Variants in SORCS3 observed in about 807,000 individuals in gnomAD.
SORCS3 encodes sortilin related VPS10 domain containing receptor 3.
In SORCS3, 57 loss-of-function variants were observed where a neutral mutation model predicts 146.3. That is an observed-to-expected ratio of 0.39 (90% CI 0.31 to 0.49). The LOEUF (loss-of-function observed/expected upper bound fraction) is 0.49, where lower values mean the gene tolerates loss of function less well. Among genes scored for constraint, SORCS3 ranks in the 20% least tolerant of loss-of-function variants. SORCS3 has a pLI of 0.92. For missense variants in SORCS3, 1,341 were observed against 1,575.5 expected, an observed-to-expected ratio of 0.85 and a Z score of 2.52; for synonymous variants, 653 against 618.5, an observed-to-expected ratio of 1.06 and a Z score of -0.83.
chr10:104,790,764 AT>A (rs1340872222), intron 1 of SORCS3, among the ~76,000 whole-genome samples: 9 of 152,210 alleles, frequency 5.9e-5, no homozygotes, highest in African/African-American at 1.9e-4. Flanking sequence ...AAGGGACATA[AT>A]GAAATGAGCA....
intron 3 of SORCS3, among the ~76,000 whole-genome samples, chr10:104,918,055 AC>A (rs1205574510): frequency 6.6e-6 from 1 of 152,192 alleles, no homozygotes; most frequent in Non-Finnish European, 1.5e-5. Flanking sequence ...GGAACTCCAT[AC>A]TGTTTTCTAT....
intron 1 of SORCS3, among the ~76,000 whole-genome samples, chr10:104,833,885 C>A (rs565196999): frequency 6.6e-6 from 1 of 152,296 alleles, no homozygotes; most frequent in South Asian, 2.1e-4. Flanking sequence ...AAATTAATGT[C>A]TAAAGCTCAA....
intron 2 of SORCS3, among the ~76,000 whole-genome samples, chr10:104,894,551 G>C (rs1025489784): frequency 6.6e-6 from 1 of 152,158 alleles, no homozygotes; most frequent in African/African-American, 2.4e-5. Flanking sequence ...TATAAGCTAG[G>C]GGAGTCTTAG....
At chr10:104,798,015 G>T (rs1209401861) in intron 1 of SORCS3, among the ~76,000 whole-genome samples, 2 of 152,194 alleles carry the variant, frequency 1.3e-5, no homozygotes, top group Non-Finnish European at 2.9e-5. Flanking sequence ...AAGGTTGGGA[G>T]ATGGTGCATA....
chr10:104,775,931 C>T lies in SORCS3; in HGVS notation c.628-66861C>T, dbSNP rs141786820. Reference sequence around the variant, plus strand: ...TGCTTGATGATGTGAACTTTTCCCTCCTGCCCATATTTCTTTCCTATTCTT... The same window carrying T: ...TGCTTGATGATGTGAACTTTTCCCTTCTGCCCATATTTCTTTCCTATTCTT... On this transcript the variant is annotated intron_variant, in intron 1 of 26. Transcript: ENST00000369701. Among the ~76,000 whole-genome samples, 103 of 152,268 alleles carry T rather than the reference C, an allele frequency of 6.8e-4. 4 individuals carry two copies. In the East Asian group the frequency reaches 0.015, roughly 23 times the overall value.
At chr10:105,069,174 A>G (rs1455009667) in intron 5 of SORCS3, among the ~76,000 whole-genome samples, 1 of 152,134 alleles carries the variant, frequency 6.6e-6, no homozygotes, top group Non-Finnish European at 1.5e-5. Context: ...CCCCACACCA[A>G]TCACTGTTAT....
intron 7 of SORCS3, among the ~76,000 whole-genome samples, chr10:105,131,075 T>A (rs1200134633): frequency 6.6e-6 from 1 of 152,148 alleles, no homozygotes; most frequent in Non-Finnish European, 1.5e-5. Context: ...TATAGACTCC[T>A]ATGGTCCAAT....
intron 3 of SORCS3, among the ~76,000 whole-genome samples, chr10:104,927,824 G>T (rs1301791382): frequency 6.6e-6 from 1 of 151,614 alleles, no homozygotes; most frequent in African/African-American, 2.4e-5. Context: ...GTTGTGGTGA[G>T]CCGAGATCGT....
intron 5 of SORCS3, among the ~76,000 whole-genome samples, chr10:105,046,382 T>C (rs2055371563): frequency 1.3e-5 from 2 of 152,132 alleles, no homozygotes; most frequent in South Asian, 4.1e-4. Flanking sequence ...GTGTCCGGTT[T>C]CTTCTCCCAT....
intron 1 of SORCS3, among the ~76,000 whole-genome samples, chr10:104,734,375 C>A (rs2016744397): frequency 6.6e-6 from 1 of 152,164 alleles, no homozygotes; most frequent in Non-Finnish European, 1.5e-5. Context: ...GAGCAAAGGG[C>A]AGAGAAAGCA....
intron 2 of SORCS3, among the ~76,000 whole-genome samples, chr10:104,907,631 G>A (rs983268716): frequency 6.6e-6 from 1 of 152,148 alleles, no homozygotes; most frequent in African/African-American, 2.4e-5. Context: ...AACCGGTGAT[G>A]GCTCTCATTC....
chr10:105,050,027 A>G (rs537340897), intron 5 of SORCS3, among the ~76,000 whole-genome samples: 17 of 138,698 alleles, frequency 1.2e-4, no homozygotes, highest in Non-Finnish European at 1.7e-4. Context: ...GTATGTGTAT[A>G]TATATACATA....
chr10:105,044,740 G>A (rs1278656378), intron 5 of SORCS3, among the ~76,000 whole-genome samples: 2 of 151,644 alleles, frequency 1.3e-5, no homozygotes, highest in Admixed American at 6.6e-5. Context: ...ACATGGTTCG[G>A]AGTAGTTGTG....
intron 20 of SORCS3, among the ~76,000 whole-genome samples, chr10:105,242,489 T>TATATTTATATAC (rs2056833800): frequency 0.065 from 1,340 of 20,558 alleles, 10 homozygotes; most frequent in Non-Finnish European, 0.092. Context: ...TATATTTATA[T>TATATTTATATAC]ATTTATATAT....
intron 17 of SORCS3, among the ~76,000 whole-genome samples, chr10:105,214,166 G>A (rs1174972757): frequency 6.6e-6 from 1 of 152,080 alleles, no homozygotes; most frequent in Non-Finnish European, 1.5e-5. Context: ...TCCTTGTCTG[G>A]TTTAGACACT....
At chr10:104,989,612 T>C (rs1451437545) in intron 4 of SORCS3, among the ~76,000 whole-genome samples, 2 of 152,154 alleles carry the variant, frequency 1.3e-5, no homozygotes, top group African/African-American at 4.8e-5. Flanking sequence ...AATAGAGATG[T>C]GTAGCAATGC....
intron 5 of SORCS3, among the ~76,000 whole-genome samples, chr10:105,063,223 C>A (rs1290892774): frequency 6.6e-6 from 1 of 152,202 alleles, no homozygotes; most frequent in Non-Finnish European, 1.5e-5. Flanking sequence ...AAGAATCCTT[C>A]CTTTCTGCTG....
At chr10:104,868,951 T>A in intron 2 of SORCS3, among the ~76,000 whole-genome samples, 1 of 152,180 alleles carries the variant, frequency 6.6e-6, no homozygotes. Flanking sequence ...TGCCATGGAC[T>A]ATATCAGTGC....
Position 104,696,387 on chromosome 10 carries a change from TATA to T in SORCS3, c.627+54437_627+54439del, listed in dbSNP as rs2016195163. Reference sequence around the variant, plus strand: ...CATATATAGTATATAATATATATTATATAATATATAATATATAATATAGAATAT... The same window carrying T: ...CATATATAGTATATAATATATATTATATATATAATATATAATATAGAATAT... On this transcript the variant is annotated intron_variant, in intron 1 of 26. Transcript: ENST00000369701. 5.9e-5 allele frequency among the ~76,000 whole-genome samples: 2 copies of T among 34,148 alleles called. 1 individual carries two copies. The highest frequency in any genetic ancestry group is 1.5e-4 in the African/African-American group (2 of 13,006). The allele number at this position is 34,148 out of a possible 152,430, so 22.4% of individuals were successfully genotyped here. A position where few individuals can be genotyped will look rare whatever the true frequency, so the allele number is the denominator to read the frequency against.
Sources: gnomAD v4.1 joint callset for allele counts (sites outside exome capture counted in the v4.1 genomes callset) on GRCh38, gnomAD v4.1.1 for gene constraint, MANE v1.5 for transcripts, NCBI Gene and HGNC (gene_info 2026-07-23, HGNC 2026-07-21) for gene names.